The following NRXN1 variants were observed in gnomAD, a reference collection of about 807,000 sequenced individuals.
NRXN1 encodes the protein neurexin 1.
NRXN1 carries 39 observed loss-of-function variants against 150.9 expected under a neutral mutation model. The ratio of observed to expected loss-of-function variants is 0.26; its 90% CI spans 0.20 to 0.34. The LOEUF is 0.34. Ranked by LOEUF, NRXN1 falls within the 10% of genes least tolerant of loss-of-function variation. The probability of loss-of-function intolerance (pLI) is 1.00; values close to 1 mark genes in which losing one functional copy is unlikely to be tolerated. For missense variants in NRXN1, 1,815 were observed against 1,949.9 expected, an observed-to-expected ratio of 0.93 and a Z score of 1.30; for synonymous variants, 924 against 757.0, an observed-to-expected ratio of 1.22 and a Z score of -3.62.
At position 50,808,786 on chromosome 2, in the gene NRXN1, C is replaced by T. The variant is rs995797584; in HGVS notation, c.832+113083G>A. Among the ~76,000 whole-genome samples, 12 of 152,206 alleles carry T rather than the reference C, an allele frequency of 7.9e-5. No individual in the cohort carries two copies. The South Asian group carries it at 1.0e-3, about 13-fold the overall frequency. ...TACTCAGGTAACTAAAATATTTCTTCGCTGAGAAGATCACCCTACTGCCTC... is the reference window on the plus strand; with the variant it reads ...TACTCAGGTAACTAAAATATTTCTTTGCTGAGAAGATCACCCTACTGCCTC... On this transcript the variant is annotated intron_variant, in intron 5 of 22. Coordinates refer to ENST00000401669, the MANE Select transcript of NRXN1 (RefSeq NM_001330078.2).
intron 2 of NRXN1, among the ~76,000 whole-genome samples, chr2:50,929,679 T>C (rs1687449384): frequency 6.6e-6 from 1 of 152,074 alleles, no homozygotes; most frequent in African/African-American, 2.4e-5. Flanking sequence ...AGATTCTATT[T>C]CCTTCCTCCA....
chr2:50,236,702 G>T, intron 18 of NRXN1, 87 bp downstream of exon 18: 1 of 1,207,582 alleles, frequency 8.3e-7, no homozygotes, highest in Non-Finnish European at 1.2e-6. Flanking sequence ...CTGGGGGAAG[G>T]AAGCATCCAA....
chr2:50,275,908 A>G (rs535148994), intron 17 of NRXN1, among the ~76,000 whole-genome samples: 1 of 150,306 alleles, frequency 6.7e-6, no homozygotes, highest in Non-Finnish European at 1.5e-5. Context: ...ATGTGCCTGC[A>G]TTCTGCCAAA....
chr2:50,388,826 A>C (rs2081495377), intron 17 of NRXN1, among the ~76,000 whole-genome samples: 1 of 152,036 alleles, frequency 6.6e-6, no homozygotes, highest in Non-Finnish European at 1.5e-5. Flanking sequence ...TCTCCCACTA[A>C]ATAAAGGTTC....
chr2:50,878,050 G>A (rs1307609822), intron 5 of NRXN1, among the ~76,000 whole-genome samples: 2 of 151,882 alleles, frequency 1.3e-5, no homozygotes, highest in Non-Finnish European at 2.9e-5. Context: ...TTGCTCCTCT[G>A]GATTCTGCTT....
At chr2:50,503,956 T>C (rs779475561) in intron 13 of NRXN1, among the ~76,000 whole-genome samples, 4 of 152,030 alleles carry the variant, frequency 2.6e-5, no homozygotes, top group Non-Finnish European at 5.9e-5. Flanking sequence ...CAACGCGGTA[T>C]TTCACCCAAG....
chr2:50,190,801 G>C (rs999316998), intron 18 of NRXN1, among the ~76,000 whole-genome samples: 1 of 151,374 alleles, frequency 6.6e-6, no homozygotes, highest in Non-Finnish European at 1.5e-5. Flanking sequence ...TAGTAGAGAC[G>C]GGGTTTTTTC....
intron 5 of NRXN1, among the ~76,000 whole-genome samples, chr2:50,764,417 C>A (rs1459965172): frequency 6.6e-6 from 1 of 151,962 alleles, no homozygotes; most frequent in Admixed American, 6.6e-5. Flanking sequence ...TTGTTAGAGG[C>A]CAGTCATCCC....
At chr2:51,023,223 A>G (rs998765776) in intron 2 of NRXN1, among the ~76,000 whole-genome samples, 7 of 152,160 alleles carry the variant, frequency 4.6e-5, no homozygotes, top group Non-Finnish European at 8.8e-5. Flanking sequence ...CTAGAGTGAC[A>G]TTTTGGAAAT....
chr2:50,091,939 T>C (rs1699639240), intron 18 of NRXN1, among the ~76,000 whole-genome samples: 1 of 152,188 alleles, frequency 6.6e-6, no homozygotes, highest in Admixed American at 6.5e-5. Context: ...ATAGGGGAAA[T>C]CATTCTAAAG....
Position 50,995,639 on chromosome 2 carries a change from A to T in NRXN1, c.772+31863T>A, listed in dbSNP as rs547251829. ...AAAAAAAAAGAGCTCAGAGGATCCT[A>T]GACCTCAGGGTACTGTATTTGAAGA... is the stretch of plus-strand genomic sequence containing the variant. On this transcript the variant is annotated intron_variant, in intron 2 of 22. Transcript: ENST00000401669. Among the ~76,000 whole-genome samples the T allele has an allele frequency of 2.0e-5, 3 of 150,990 alleles. No individual in the cohort carries two copies. In the East Asian group the frequency reaches 5.9e-4, roughly 30 times the overall value.
chr2:50,512,095 T>C (rs2092472486), intron 12 of NRXN1, among the ~76,000 whole-genome samples: 1 of 152,130 alleles, frequency 6.6e-6, no homozygotes, highest in Non-Finnish European at 1.5e-5. Context: ...AAAAAAACTT[T>C]CCTACAGCCA....
chr2:50,046,878 G>A (rs1253003876), intron 21 of NRXN1, among the ~76,000 whole-genome samples: 1 of 152,110 alleles, frequency 6.6e-6, no homozygotes, highest in African/African-American at 2.4e-5. Context: ...CATATTTATA[G>A]GCAATGCCTA....
In NRXN1 at chr2:50,315,258, C is replaced by T. The variant is rs2075507334; in HGVS notation, c.3365-78288G>A. On this transcript the variant is annotated intron_variant, in intron 17 of 22. Transcript: ENST00000401669. ...GCACAGGCAGCAGCTCCGTTTTTCT[C>T]AGAATCAAGCGAAACTGAACAGGCA... 2.0e-5 allele frequency among the ~76,000 whole-genome samples: 3 copies of T among 152,082 alleles called. No individual in the cohort carries two copies. The South Asian group carries it at 6.2e-4, about 32-fold the overall frequency.
intron 21 of NRXN1, chr2:49,972,768 A>G (rs1678175012): frequency 6.6e-6 from 1 of 152,212 alleles, no homozygotes; most frequent in Non-Finnish European, 1.5e-5. Flanking sequence ...CACCACAGAT[A>G]TGACATTCTG....
At position 50,245,415 on chromosome 2, in the gene NRXN1, A is replaced by T. The variant is rs560970241; in HGVS notation, c.3365-8445T>A. ...CAAATGCTTATGTCTTCCCTTCTGAAACTAGGCTCCCTCCAGCAGTAGGTG... is the reference window on the plus strand; with the variant it reads ...CAAATGCTTATGTCTTCCCTTCTGATACTAGGCTCCCTCCAGCAGTAGGTG... On this transcript the variant is annotated intron_variant, in intron 17 of 22. Transcript: ENST00000401669. Among the ~76,000 whole-genome samples the T allele has an allele frequency of 2.0e-5, 3 of 152,100 alleles. No individual in the cohort carries two copies. In the East Asian group the frequency reaches 5.8e-4, roughly 29 times the overall value.
chr2:50,176,718 A>G (rs2060374736), intron 18 of NRXN1, among the ~76,000 whole-genome samples: 1 of 152,146 alleles, frequency 6.6e-6, no homozygotes, highest in African/African-American at 2.4e-5. Context: ...CACCTTGTAC[A>G]TAACATTGAG....
At chr2:49,983,211 T>G (rs1426380036) in intron 21 of NRXN1, among the ~76,000 whole-genome samples, 1 of 152,164 alleles carries the variant, frequency 6.6e-6, no homozygotes, top group Non-Finnish European at 1.5e-5. Flanking sequence ...ATTTCTTTTC[T>G]TTTTCCTAGA....
At chr2:50,540,202 T>C (rs1183187058) in intron 9 of NRXN1, among the ~76,000 whole-genome samples, 3 of 152,202 alleles carry the variant, frequency 2.0e-5, no homozygotes, top group South Asian at 2.1e-4. Context: ...ATTGCTATTT[T>C]GGCCTTCCAA....
Sources: gnomAD v4.1 joint callset for allele counts (sites outside exome capture counted in the v4.1 genomes callset) on GRCh38, gnomAD v4.1.1 for gene constraint, MANE v1.5 for transcripts, NCBI Gene and HGNC (gene_info 2026-07-23, HGNC 2026-07-21) for gene names.